GFRA2: variants seen among roughly 807,000 people sequenced by gnomAD.
GFRA2 encodes the protein GDNF family receptor alpha 2.
GFRA2 carries 17 observed loss-of-function variants against 48.3 expected under a neutral mutation model. The ratio of observed to expected loss-of-function variants is 0.35; its 90% confidence interval spans 0.24 to 0.53. GFRA2 has a LOEUF of 0.53. GFRA2 is among the 20% of genes least tolerant of loss of function. The pLI, the probability that GFRA2 is intolerant of heterozygous loss-of-function variation, is 0.93. For missense variants in GFRA2, 660 were observed against 637.3 expected, an observed-to-expected ratio of 1.04 and a Z score of -0.38; for synonymous variants, 305 against 257.2, an observed-to-expected ratio of 1.19 and a Z score of -1.78.
chr8:21,700,381 T>C (rs1007218063), intron 7 of GFRA2, among the ~76,000 whole-genome samples: 12 of 152,084 alleles, frequency 7.9e-5, no homozygotes, highest in Admixed American at 5.9e-4. Flanking sequence ...CTTCTGAGAG[T>C]AGGACCTAAG....
rs73554735 is a variant in GFRA2, at chr8:21,738,223, C to T, written c.794+12365G>A. ...CCTCCTCCTCCCCCTCCTCCTCCTC[C>T]CCTCTTCCCCACCCCCTTTTCTCAG... On this transcript the variant is annotated intron_variant, in intron 4 of 8. Coordinates refer to ENST00000524240, the MANE Select transcript of GFRA2 (RefSeq NM_001495.5). Among the ~76,000 whole-genome samples, 418 of 98,818 alleles carry T rather than the reference C, an allele frequency of 4.2e-3. 4 individuals are homozygous for T. The highest frequency in any genetic ancestry group is 7.1e-3 in the Middle Eastern group (1 of 140). The allele number at this position is 98,818 out of a possible 152,430, so 64.8% of individuals were successfully genotyped here. A position where few individuals can be genotyped will look rare whatever the true frequency, so the allele number is the denominator to read the frequency against.
At chr8:21,762,532 C>T (rs1255339304) in intron 3 of GFRA2, among the ~76,000 whole-genome samples, 1 of 152,220 alleles carries the variant, frequency 6.6e-6, no homozygotes, top group Non-Finnish European at 1.5e-5. Flanking sequence ...GGTGAAGCTG[C>T]ATTTTTGGAA....
At position 21,750,673 on chromosome 8, in the gene GFRA2, T is replaced by G; in HGVS notation, c.709A>C (p.Ile237Leu). 6.2e-7 allele frequency: 1 copy of G among 1,613,640 alleles called. No individual in the cohort carries two copies. The highest frequency in any genetic ancestry group is 1.1e-5 in the South Asian group (1 of 91,078). Residue 237 changes from isoleucine to leucine, a missense_variant, in exon 4 of 9, where the codon ATC (isoleucine) becomes CTC (leucine). Coordinates refer to ENST00000524240, the MANE Select transcript of GFRA2 (RefSeq NM_001495.5). The surrounding 1 kb of genome is among the most constrained non-coding windows in gnomAD (Gnocchi z 5.7). ...QACAERRRQTILPSCSYEDKE... is the reference protein window; with the variant it reads ...QACAERRRQTLLPSCSYEDKE... ...TCCTCATAGGAGCAGCTGGGCAGGA[T>G]GGTTTGCCGGCGGCGCTCAGCGCAC... is the stretch of plus-strand genomic sequence containing the variant.
At chr8:21,780,596 T>C (rs1806934653) in intron 2 of GFRA2, among the ~76,000 whole-genome samples, 1 of 152,068 alleles carries the variant, frequency 6.6e-6, no homozygotes, top group Non-Finnish European at 1.5e-5. Context: ...CTCCCTCGAC[T>C]CTAGACCTGC....
At chr8:21,742,499 G>A (rs1804796860) in intron 4 of GFRA2, among the ~76,000 whole-genome samples, 1 of 152,166 alleles carries the variant, frequency 6.6e-6, no homozygotes, top group South Asian at 2.1e-4. Context: ...AATGTTTGCT[G>A]TTGAAGCAAC....
chr8:21,798,780 T>C (rs1807720811), intron 2 of GFRA2, among the ~76,000 whole-genome samples: 1 of 152,200 alleles, frequency 6.6e-6, no homozygotes, highest in South Asian at 2.1e-4. Flanking sequence ...GGGACAGCTT[T>C]TGCTACTCCA....
chr8:21,707,553 A>G (rs916476800), intron 4 of GFRA2, among the ~76,000 whole-genome samples: 9 of 152,008 alleles, frequency 5.9e-5, no homozygotes, highest in Non-Finnish European at 1.2e-4. Context: ...AGAGGAGGAA[A>G]CCCTCCTGGG....
At chr8:21,771,054 A>G (rs973764379) in intron 3 of GFRA2, among the ~76,000 whole-genome samples, 1 of 152,192 alleles carries the variant, frequency 6.6e-6, no homozygotes, top group African/African-American at 2.4e-5. Context: ...CAGACAGAGG[A>G]TGACCCACTG....
intron 5 of GFRA2, among the ~76,000 whole-genome samples, chr8:21,705,720 C>T (rs911655475): frequency 5.9e-5 from 9 of 152,170 alleles, no homozygotes; most frequent in African/African-American, 2.2e-4. Flanking sequence ...CCCCTGGGGC[C>T]CTCCTTCCCC....
At chr8:21,715,950 C>T (rs1397024407) in intron 4 of GFRA2, among the ~76,000 whole-genome samples, 3 of 152,134 alleles carry the variant, frequency 2.0e-5, no homozygotes, top group Admixed American at 6.5e-5. Flanking sequence ...TTCTCCTCTG[C>T]CCTTCCTATA....
Position 21,693,362 on chromosome 8 carries a change from G to A in GFRA2, c.1311C>T (p.Ile437=). 1 of 1,613,090 alleles carries A rather than the reference G, an allele frequency of 6.2e-7. No homozygotes were observed. Among genetic ancestry groups the A allele is most frequent in the Non-Finnish European group, 8.5e-7 (1 of 1,179,432 alleles). ...CTCTGCTGGGGCCTGAGTTAGGTTT[G>A]ATCACCTTGTTACTCCCTGGGATGA... ...TNIIPGSNKV[I]KPNSGPSRAR... is the part of the protein sequence containing the mutation. The change falls in exon 9 of 9, where the codon ATC becomes ATT. Residue 437 remains isoleucine, a synonymous_variant. Coordinates refer to ENST00000524240, the MANE Select transcript of GFRA2 (RefSeq NM_001495.5).
Position 21,714,880 on chromosome 8 carries a change from G to A in GFRA2, c.795-8839C>T, listed in dbSNP as rs142475210. On this transcript the variant is annotated intron_variant, in intron 4 of 8. Transcript: ENST00000524240. Reference sequence around the variant, plus strand: ...TTGAATATTTCATGGAGGGAAAAAAGGGTTTCCAAGAAGTGCAAATTACTC... The same window carrying A: ...TTGAATATTTCATGGAGGGAAAAAAAGGTTTCCAAGAAGTGCAAATTACTC... Among the ~76,000 whole-genome samples, 150 of 152,180 alleles carry A rather than the reference G, an allele frequency of 9.9e-4. No homozygotes were observed. In the East Asian group the frequency reaches 0.026, roughly 26 times the overall value.
chr8:21,722,034 G>A (rs1378370095), intron 4 of GFRA2, among the ~76,000 whole-genome samples: 1 of 152,184 alleles, frequency 6.6e-6, no homozygotes, highest in East Asian at 1.9e-4. Context: ...GTGCTTCTCT[G>A]GAGCAATTTA....
intron 4 of GFRA2, among the ~76,000 whole-genome samples, chr8:21,709,084 G>C (rs1441115056): frequency 6.6e-6 from 1 of 152,148 alleles, no homozygotes; most frequent in Non-Finnish European, 1.5e-5. Flanking sequence ...TTCAGGGTGT[G>C]GGACAAGGAG....
chr8:21,804,267 C>A (rs1199870908), intron 2 of GFRA2, among the ~76,000 whole-genome samples: 1 of 152,092 alleles, frequency 6.6e-6, no homozygotes, highest in Non-Finnish European at 1.5e-5. Context: ...GATCTGGATT[C>A]TCAGCCTGGT....
chr8:21,722,575 C>T (rs1439372638), intron 4 of GFRA2, among the ~76,000 whole-genome samples: 1 of 152,178 alleles, frequency 6.6e-6, no homozygotes, highest in African/African-American at 2.4e-5. Flanking sequence ...GAGGAGAGAA[C>T]ATGGGCCCTT....
At chr8:21,787,197 T>C (rs1298514526) in intron 1 of GFRA2, among the ~76,000 whole-genome samples, 2 of 141,056 alleles carry the variant, frequency 1.4e-5, no homozygotes, top group Non-Finnish European at 1.5e-5. Context: ...GGGAATTCTG[T>C]GTGGAAAAGA....
At chr8:21,771,884 G>A (rs1331219448) in intron 3 of GFRA2, among the ~76,000 whole-genome samples, 2 of 152,116 alleles carry the variant, frequency 1.3e-5, no homozygotes, top group Admixed American at 1.3e-4. Flanking sequence ...TGGGTGGGGA[G>A]GGGCTTCCCA....
chr8:21,702,174 G>A (rs1802514452), intron 7 of GFRA2, among the ~76,000 whole-genome samples: 1 of 152,166 alleles, frequency 6.6e-6, no homozygotes, highest in Non-Finnish European at 1.5e-5. Flanking sequence ...AGCTGCCCAA[G>A]GGTGACAACA....
Sources: allele counts gnomAD v4.1 joint callset (sites outside exome capture counted in the v4.1 genomes callset), GRCh38; gene constraint gnomAD v4.1.1; non-coding constraint Gnocchi (gnomAD v3.1); transcripts MANE v1.5; gene names NCBI Gene and HGNC (gene_info 2026-07-23, HGNC 2026-07-21).